Variants in CSMD2 observed in about 807,000 individuals in gnomAD.
The protein encoded by CSMD2 is CUB and sushi domain-containing protein 2.
CSMD2 carries 130 observed loss-of-function variants against 398.5 expected under a neutral mutation model. The ratio of observed to expected loss-of-function variants is 0.33; its 90% CI spans 0.28 to 0.38. CSMD2 has a LOEUF of 0.38. Ranked by LOEUF, CSMD2 falls within the 10% of genes least tolerant of loss-of-function variation. CSMD2 has a pLI of 1.00. For missense variants in CSMD2, 3,829 were observed against 4,764.9 expected (o/e 0.80, Z 5.78); for synonymous variants, 1,828 against 1,908.5 (o/e 0.96, Z 1.10).
Position 33,521,484 on chromosome 1 carries a change from G to T in CSMD2, c.10576C>A (p.Gln3526Lys). The change falls in exon 68 of 71, where the codon CAG becomes AAG. Residue 3526 changes from glutamine (Q) to lysine (K), a missense_variant. Around this residue, in one of 5 missense-constraint regions of CSMD2, gnomAD observed 917 missense variants for 1,199.5 expected, o/e 0.76. Transcript: ENST00000373381. ...QGSVKGQGFG[Q>K]FGFQRLDLRL... ...TTACCCAGTCTTTGAAAGCCGAACT[G>T]CCCAAAGCCTTGGCCCTTGACAGAG... 1 of 1,611,884 alleles carries T rather than the reference G, an allele frequency of 6.2e-7. No homozygotes were observed. Among genetic ancestry groups the T allele is most frequent in the South Asian group, 1.1e-5 (1 of 91,038 alleles).
intron 2 of CSMD2, among the ~76,000 whole-genome samples, chr1:34,079,363 A>G (rs1165908183): frequency 6.6e-6 from 1 of 152,246 alleles, no homozygotes; most frequent in Non-Finnish European, 1.5e-5. Flanking sequence ...AAATTCAGCA[A>G]GGTCACAAGA....
At chr1:33,690,701 A>C (rs147735358) in intron 25 of CSMD2, among the ~76,000 whole-genome samples, 105 of 152,310 alleles carry the variant, frequency 6.9e-4, no homozygotes, top group African/African-American at 2.5e-3. Flanking sequence ...TCACCGAGGA[A>C]CTATCATAGA....
chr1:33,587,364 T>C (rs954859643), intron 44 of CSMD2, among the ~76,000 whole-genome samples, 196 bp from the exon 45 acceptor site: 9 of 152,112 alleles, frequency 5.9e-5, no homozygotes, highest in Non-Finnish European at 8.8e-5. Context: ...AAATTAATAA[T>C]AACAAAAGAG....
intron 12 of CSMD2, among the ~76,000 whole-genome samples, chr1:33,777,667 T>G (rs1652175742): frequency 6.6e-6 from 1 of 152,252 alleles, no homozygotes; most frequent in African/African-American, 2.4e-5. Flanking sequence ...GTGTTTCTCC[T>G]GTCTCTCTCC....
At chr1:33,815,058 G>C (rs1657302115) in intron 9 of CSMD2, among the ~76,000 whole-genome samples, 1 of 151,968 alleles carries the variant, frequency 6.6e-6, no homozygotes, top group Non-Finnish European at 1.5e-5. Flanking sequence ...TGGGGGCTGG[G>C]GGGCTACCAG....
intron 55 of CSMD2, among the ~76,000 whole-genome samples, chr1:33,555,085 C>G (rs1040053501): frequency 6.6e-6 from 1 of 152,140 alleles, no homozygotes; most frequent in Admixed American, 6.5e-5. Context: ...ATTAATCATT[C>G]TAGATGCCAT....
rs1641979240 is a variant in CSMD2 at position 33,624,561 on chromosome 1, G to A, written c.5583C>T (p.Asn1861=). 3.1e-6 allele frequency: 5 copies of A among 1,614,026 alleles called. No individual in the cohort carries two copies. Among genetic ancestry groups the A allele is most frequent in the Non-Finnish European group, 3.4e-6 (4 of 1,179,938 alleles). ...CGGGGACCACGATCTTCCACACACA[G>A]TTGAGGCTGTTGAGGTACGGCTCTG... ...GFPEPYLNSL[N]CVWKIVVPEG... is the part of the protein sequence containing the mutation. Residue 1861 remains asparagine, a synonymous_variant, in exon 35 of 71, where the codon AAC becomes AAT. Transcript: ENST00000373381. This position sits in a 1 kb window ranked among gnomAD's most constrained non-coding sequence, Gnocchi z 4.7.
intron 40 of CSMD2, among the ~76,000 whole-genome samples, chr1:33,614,110 C>T (rs763080239): frequency 2.0e-5 from 3 of 152,042 alleles, no homozygotes; most frequent in Non-Finnish European, 2.9e-5. Context: ...AACTTGAGGT[C>T]CAGTCTCTGT....
At position 33,537,486 on chromosome 1, in the gene CSMD2, C is replaced by A; in HGVS notation, c.9755G>T (p.Arg3252Met). The A allele has an allele frequency of 1.2e-6, 2 of 1,614,188 alleles. No individual in the cohort carries two copies. The highest frequency in any genetic ancestry group is 2.2e-5 in the South Asian group (2 of 91,078). ...CCATGTCCCATCTGACTGGCAAAACCTGCGTGGAGAGCCCACCAGCACCAG... is the reference window on the plus strand; with the variant it reads ...CCATGTCCCATCTGACTGGCAAAACATGCGTGGAGAGCCCACCAGCACCAG... ...PPLVLVGSPR[R>M]FCQSDGTWSG... is the part of the protein sequence containing the mutation. The change falls in exon 61 of 71, where the codon AGG (arginine) becomes ATG (methionine). Residue 3252 changes from arginine to methionine, a missense_variant. By Grantham distance (91) the Arg-to-Met change is moderately conservative. Coordinates refer to ENST00000373381, the MANE Select transcript of CSMD2 (RefSeq NM_001281956.2). The surrounding 1 kb of genome is among the most constrained non-coding windows in gnomAD (Gnocchi z 4.6).
At chr1:33,708,628 G>T (rs1474134513) in intron 22 of CSMD2, among the ~76,000 whole-genome samples, 1 of 26,084 alleles carries the variant, frequency 3.8e-5, no homozygotes, top group Non-Finnish European at 7.4e-5. Context: ...TTGAGACAGG[G>T]TCTGACTCTG....
intron 3 of CSMD2, among the ~76,000 whole-genome samples, chr1:33,957,055 C>G (rs1468991059): frequency 6.6e-6 from 1 of 151,994 alleles, no homozygotes; most frequent in Non-Finnish European, 1.5e-5. Flanking sequence ...CCTATCACCT[C>G]CCCCGAGAGG....
chr1:33,810,516 A>G (rs1656739657), intron 10 of CSMD2, among the ~76,000 whole-genome samples: 1 of 152,172 alleles, frequency 6.6e-6, no homozygotes, highest in African/African-American at 2.4e-5. Context: ...TTTCCCCTTA[A>G]GCTGAACGAT....
At chr1:33,784,899 A>G (rs893762128) in intron 12 of CSMD2, among the ~76,000 whole-genome samples, 3 of 152,216 alleles carry the variant, frequency 2.0e-5, no homozygotes, top group African/African-American at 4.8e-5. Context: ...ACTGAGGCTC[A>G]GAGAGACCAC....
chr1:33,784,596 A>G (rs1053758996), intron 12 of CSMD2, among the ~76,000 whole-genome samples: 1 of 152,184 alleles, frequency 6.6e-6, no homozygotes, highest in African/African-American at 2.4e-5. Flanking sequence ...GAGGCCTTAC[A>G]GAGCCACCTC....
At chr1:33,874,662 G>A (rs1330083559) in intron 5 of CSMD2, among the ~76,000 whole-genome samples, 2 of 152,168 alleles carry the variant, frequency 1.3e-5, no homozygotes, top group Non-Finnish European at 2.9e-5. Context: ...CAAAGGGAGG[G>A]CTTGGTTAGC....
chr1:33,761,246 G>A (rs1375836131), intron 13 of CSMD2, among the ~76,000 whole-genome samples: 1 of 152,098 alleles, frequency 6.6e-6, no homozygotes, highest in East Asian at 1.9e-4. Flanking sequence ...AAGTCCTGAT[G>A]ACCCAGTCTT....
chr1:34,144,184 T>C (rs1639561078), intron 1 of CSMD2, among the ~76,000 whole-genome samples: 2 of 152,098 alleles, frequency 1.3e-5, no homozygotes, highest in Non-Finnish European at 2.9e-5. Context: ...TTCCTCTTGA[T>C]GGGGTGGGAC....
intron 22 of CSMD2, among the ~76,000 whole-genome samples, chr1:33,706,751 C>T (rs982217879): frequency 1.3e-5 from 2 of 152,176 alleles, no homozygotes; most frequent in Middle Eastern, 3.4e-3. Context: ...GCATTTCCTA[C>T]CCTGGTGCTA....
intron 46 of CSMD2, 117 bp downstream of exon 46, chr1:33,586,387 T>G (rs528772453): frequency 1.5e-6 from 1 of 653,294 alleles, no homozygotes; most frequent in Admixed American, 2.2e-5. Context: ...CCAAGTGACC[T>G]TTCATGTTAT....
Sources: allele counts gnomAD v4.1 joint callset (sites outside exome capture counted in the v4.1 genomes callset), GRCh38; gene constraint gnomAD v4.1.1; regional missense constraint gnomAD v4.1.1; non-coding constraint Gnocchi (gnomAD v3.1); transcripts MANE v1.5; gene names NCBI Gene and HGNC (gene_info 2026-07-23, HGNC 2026-07-21).